Variants in NTHL1 observed in about 807,000 individuals in gnomAD.
The protein encoded by NTHL1 is nth like DNA glycosylase 1, also known as endonuclease III-like protein 1.
Under a neutral mutation model 32.3 loss-of-function variants are expected in NTHL1, and 32 were observed. That is an observed-to-expected ratio of 0.99 (90% confidence interval 0.75 to 1.33). The LOEUF (loss-of-function observed/expected upper bound fraction) is 1.33, where lower values mean the gene tolerates loss of function less well. Ranked by LOEUF, NTHL1 falls within the 40% of genes most tolerant of loss-of-function variation. NTHL1 has a pLI of 0.00. For synonymous variants in NTHL1, 188 were observed against 176.9 expected (o/e 1.06, Z -0.50); for missense variants, 501 against 414.1 (o/e 1.21, Z -1.82).
chr16:2,042,294 C>T, intron 4 of NTHL1: 1 of 350,522 alleles, frequency 2.9e-6, no homozygotes, highest in East Asian at 8.3e-5. Context: ...CTGAGGACAG[C>T]CGCCCAGATA....
chr16:2,046,719 C>T (rs1209275978), intron 1 of NTHL1, among the ~76,000 whole-genome samples: 1 of 152,162 alleles, frequency 6.6e-6, no homozygotes, highest in Non-Finnish European at 1.5e-5. Context: ...AGCCTGTAAT[C>T]CCAGCACTTT....
At position 2,040,056 on chromosome 16, in the gene NTHL1, G is replaced by T. The variant is rs200714075; in HGVS notation, c.792-9C>A. ...TCTCGTGCCACAGCTCCCTGTGGGG[G>T]TGGGGGCTGGGTCAGTGCTGACAGA... On this transcript the variant is annotated splice_polypyrimidine_tract_variant and intron_variant, in intron 5 of 5. Transcript: ENST00000651570. 6.2e-7 allele frequency: 1 copy of T among 1,612,514 alleles called. No homozygotes were observed.
At position 2,044,003 on chromosome 16, in the gene NTHL1, C is replaced by A; in HGVS notation, c.526-277G>T. 1 of 503,500 alleles carries A rather than the reference C, an allele frequency of 2.0e-6. No homozygotes were observed. The highest frequency in any genetic ancestry group is 3.6e-6 in the Non-Finnish European group (1 of 274,960). The allele number at this position is 503,500 out of a possible 1,614,324, so 31.2% of individuals were successfully genotyped here. On this transcript the variant is annotated intron_variant, in intron 3 of 5. Coordinates refer to ENST00000651570, the MANE Select transcript of NTHL1 (RefSeq NM_002528.7). This position sits in a 1 kb window ranked among gnomAD's most constrained non-coding sequence, Gnocchi z 5.0. ...CCGTCATTCCCTGCCAGCACCCAGGCCAGGCCAAGCAGGCCAGCCGCTCCC... is the reference window on the plus strand; with the variant it reads ...CCGTCATTCCCTGCCAGCACCCAGGACAGGCCAAGCAGGCCAGCCGCTCCC...
In NTHL1 at chr16:2,044,623, G is replaced by T; in HGVS notation, c.525+7C>A. 1 of 1,601,906 alleles carries T rather than the reference G, an allele frequency of 6.2e-7. No individual in the cohort carries two copies. Among genetic ancestry groups the T allele is most frequent in the South Asian group, 1.1e-5 (1 of 91,052 alleles). Reference sequence around the variant, plus strand: ...ACCCGGCCCCCGTTGCCACAGGCAGGGCTCACCCTCCAGAAACCGACGGGG... The same window carrying T: ...ACCCGGCCCCCGTTGCCACAGGCAGTGCTCACCCTCCAGAAACCGACGGGG... On this transcript the variant is annotated splice_region_variant and intron_variant, in intron 3 of 5. Coordinates refer to ENST00000651570, the MANE Select transcript of NTHL1 (RefSeq NM_002528.7). The surrounding 1 kb of genome is among the most constrained non-coding windows in gnomAD (Gnocchi z 5.0).
At position 2,046,335 on chromosome 16, in the gene NTHL1, A is replaced by T; in HGVS notation, c.147T>A (p.Arg49=). The part of the protein sequence containing the change: ...EARKSHSPVK[R]PRKAQRLRVA... ...CACGCAGTCTCTGTGCTTTCCGCGG[A>T]CGCTTCACGGGGCTGTGGCTTTTCC... Residue 49 remains arginine, a synonymous_variant, in exon 2 of 6, where the codon CGT becomes CGA. Transcript: ENST00000651570. 2 of 1,609,994 alleles carry T rather than the reference A, an allele frequency of 1.2e-6. No individual in the cohort carries two copies. The highest frequency in any genetic ancestry group is 1.7e-4 in the Middle Eastern group (1 of 6,052).
At chr16:2,042,535 G>A (rs1171249151) in intron 4 of NTHL1, among the ~76,000 whole-genome samples, 1 of 152,142 alleles carries the variant, frequency 6.6e-6, no homozygotes, top group Non-Finnish European at 1.5e-5. Flanking sequence ...CCCTGCAGGA[G>A]TCCCAAAGGG....
chr16:2,042,506 C>T (rs1007091083), intron 4 of NTHL1, among the ~76,000 whole-genome samples: 2 of 152,288 alleles, frequency 1.3e-5, no homozygotes, highest in African/African-American at 2.4e-5. Flanking sequence ...CTGCAAGCCC[C>T]CCGCCTCCGG....
At chr16:2,045,921 G>C (rs915672389) in intron 2 of NTHL1, among the ~76,000 whole-genome samples, 3 of 152,204 alleles carry the variant, frequency 2.0e-5, no homozygotes, top group Admixed American at 1.3e-4. Context: ...GCACTGGGCA[G>C]AAGTTCGAGC....
chr16:2,040,568 TGACTC>T, intron 4 of NTHL1: 1 of 461,770 alleles, frequency 2.2e-6, no homozygotes, highest in Non-Finnish European at 4.0e-6. Flanking sequence ...CTGGGGGTGA[TGACTC>T]GGCTCTGCTT....
chr16:2,042,726 G>A (rs1209812642), intron 4 of NTHL1, among the ~76,000 whole-genome samples: 1 of 151,992 alleles, frequency 6.6e-6, no homozygotes, highest in Admixed American at 6.6e-5. Flanking sequence ...GTGCTAGGAA[G>A]AGACACCAGG....
intron 5 of NTHL1, 37 bp downstream of exon 5, chr16:2,040,096 A>T: frequency 6.2e-7 from 1 of 1,612,608 alleles, no homozygotes. Flanking sequence ...GGGCGGGGTG[A>T]GCTCTTCTCC....
intron 4 of NTHL1, among the ~76,000 whole-genome samples, chr16:2,040,825 AG>A (rs1315255438): frequency 1.3e-5 from 2 of 152,150 alleles, no homozygotes; most frequent in East Asian, 3.9e-4. Context: ...CTGTGGCCTG[AG>A]GCTCCTCTCG....
At chr16:2,042,248 C>G in intron 4 of NTHL1, 1 of 378,546 alleles carries the variant, frequency 2.6e-6, no homozygotes, top group South Asian at 2.0e-5. Context: ...CACAGCCCTG[C>G]CCAACCACGA....
At chr16:2,042,257 G>A (rs2084277098) in intron 4 of NTHL1, 1 of 369,642 alleles carries the variant, frequency 2.7e-6, no homozygotes, top group South Asian at 2.0e-5. Flanking sequence ...GCCCAACCAC[G>A]ATGCAGCACC....
chr16:2,044,790 T>C lies in NTHL1; in HGVS notation c.365A>G (p.Tyr122Cys). 1 of 1,604,400 alleles carries C rather than the reference T, an allele frequency of 6.2e-7. No homozygotes were observed. Among genetic ancestry groups the C allele is most frequent in the Non-Finnish European group, 8.5e-7 (1 of 1,175,194 alleles). Reference sequence around the variant, plus strand: ...GAGCATCAGTGACAGCAGCACCTGGTACCTGCGTACCTGCTTGTGCAGTGA... The same window carrying C: ...GAGCATCAGTGACAGCAGCACCTGGCACCTGCGTACCTGCTTGTGCAGTGA... Reference protein sequence around the residue: ...DSSAPPKVRRYQVLLSLMLSS... With the variant: ...DSSAPPKVRRCQVLLSLMLSS... Residue 122 changes from tyrosine to cysteine, a missense_variant, in exon 3 of 6, where the codon TAC (tyrosine) becomes TGC (cysteine). Coordinates refer to ENST00000651570, the MANE Select transcript of NTHL1 (RefSeq NM_002528.7). The surrounding 1 kb of genome is among the most constrained non-coding windows in gnomAD (Gnocchi z 5.0).
intron 1 of NTHL1, among the ~76,000 whole-genome samples, chr16:2,046,742 T>G (rs897315645): frequency 2.0e-4 from 31 of 151,928 alleles, no homozygotes; most frequent in African/African-American, 7.0e-4. Context: ...GAGGCCGAGG[T>G]GGGTGGATCA....
At chr16:2,040,557 C>T in intron 4 of NTHL1, 1 of 481,412 alleles carries the variant, frequency 2.1e-6, no homozygotes, top group South Asian at 2.1e-5. Flanking sequence ...TTGGGCAGGG[C>T]CTGGGGGTGA....
chr16:2,042,338 T>C (rs2084278035), intron 4 of NTHL1, among the ~76,000 whole-genome samples: 1 of 152,130 alleles, frequency 6.6e-6, no homozygotes, highest in African/African-American at 2.4e-5. Context: ...TGGCAGGTGG[T>C]GACGCTGGGA....
chr16:2,045,118 C>T (rs1246148101), intron 2 of NTHL1, among the ~76,000 whole-genome samples: 1 of 152,112 alleles, frequency 6.6e-6, no homozygotes, highest in East Asian at 1.9e-4. Context: ...AGGCGGATCA[C>T]CTGAAGTCAG....
Sources: allele counts gnomAD v4.1 joint callset (sites outside exome capture counted in the v4.1 genomes callset), GRCh38; gene constraint gnomAD v4.1.1; non-coding constraint Gnocchi (gnomAD v3.1); transcripts MANE v1.5; gene names NCBI Gene and HGNC (gene_info 2026-07-23, HGNC 2026-07-21).